LPA: variants seen among roughly 807,000 people sequenced by gnomAD.
LPA encodes the protein lipoprotein(a).
A neutral mutation model predicts 197.9 loss-of-function variants in LPA; 199 were observed. The ratio of observed to expected loss-of-function variants is 1.01; its 90% CI spans 0.90 to 1.13. The LOEUF is 1.13. Ranked by LOEUF, LPA falls within the 50% of genes most tolerant of loss-of-function variation. The probability of loss-of-function intolerance (pLI) is 0.00; values close to 1 mark genes in which losing one functional copy is unlikely to be tolerated. For missense variants in LPA, 1,853 were observed against 1,785.8 expected, an observed-to-expected ratio of 1.04 and a Z score of -0.68; for synonymous variants, 715 against 639.5, an observed-to-expected ratio of 1.12 and a Z score of -1.78.
chr6:160,536,928 G>A (rs570882307), intron 37 of LPA, among the ~76,000 whole-genome samples: 5 of 152,212 alleles, frequency 3.3e-5, no homozygotes, highest in Non-Finnish European at 7.3e-5. Context: ...GCAAAAGGCT[G>A]ATGTGCAAAG....
chr6:160,594,770 AG>A (rs1169285303), intron 21 of LPA, among the ~76,000 whole-genome samples: 2 of 152,214 alleles, frequency 1.3e-5, no homozygotes, highest in African/African-American at 4.8e-5. Flanking sequence ...AGGAGGGGCA[AG>A]AACACTGAGA....
chr6:160,649,619 T>TTC (rs1779967952), intron 2 of LPA, among the ~76,000 whole-genome samples: 1 of 152,178 alleles, frequency 6.6e-6, no homozygotes, highest in Non-Finnish European at 1.5e-5. Context: ...GATCTCATTG[T>TTC]TCTCTCTCTC....
At chr6:160,592,866 CT>C (rs1779056139) in intron 22 of LPA, among the ~76,000 whole-genome samples, 2 of 152,298 alleles carry the variant, frequency 1.3e-5, no homozygotes, top group South Asian at 4.1e-4. Context: ...TGAGGTGTCT[CT>C]CCTCTGAGTG....
chr6:160,602,555 A>G lies in LPA; in HGVS notation c.2946-1457T>C, dbSNP rs556624439. 5.3e-5 allele frequency among the ~76,000 whole-genome samples: 8 copies of G among 152,364 alleles called. No homozygotes were observed. The South Asian group carries it at 1.7e-3, about 32-fold the overall frequency. On this transcript the variant is annotated intron_variant, in intron 18 of 38. Transcript: ENST00000316300. ...GATCAAGAAAATATTTTGCATTTACATCTACATTTGCCATTTGCTGGGTTC... is the reference window on the plus strand; with the variant it reads ...GATCAAGAAAATATTTTGCATTTACGTCTACATTTGCCATTTGCTGGGTTC...
chr6:160,533,829 T>C (rs982497874), intron 37 of LPA, among the ~76,000 whole-genome samples: 1 of 152,226 alleles, frequency 6.6e-6, no homozygotes, highest in African/African-American at 2.4e-5. Flanking sequence ...GTAGTTCTTC[T>C]TTTGTGAAAA....
intron 18 of LPA, among the ~76,000 whole-genome samples, chr6:160,604,201 A>G (rs1328540350): frequency 1.3e-5 from 2 of 151,928 alleles, no homozygotes; most frequent in African/African-American, 4.8e-5. Context: ...CCAAATTCCA[A>G]TCTCTCTCCT....
intron 18 of LPA, among the ~76,000 whole-genome samples, chr6:160,602,619 ATTC>A (rs1407752942): frequency 8.5e-5 from 13 of 152,194 alleles, no homozygotes; most frequent in African/African-American, 1.4e-4. Context: ...CTCTTGAACT[ATTC>A]TTCTTCTAGC....
At chr6:160,561,518 T>A (rs1778361596) in intron 28 of LPA, among the ~76,000 whole-genome samples, 1 of 152,252 alleles carries the variant, frequency 6.6e-6, no homozygotes, top group South Asian at 2.1e-4. Context: ...TGCCTCCAGC[T>A]TTGTTCTTTT....
chr6:160,549,579 G>A lies in LPA; in HGVS notation c.4974-920C>T, dbSNP rs369988161. Among the ~76,000 whole-genome samples the A allele has an allele frequency of 5.3e-5, 8 of 152,172 alleles. No individual in the cohort carries two copies. The South Asian group carries it at 1.0e-3, about 20-fold the overall frequency. On this transcript the variant is annotated intron_variant, in intron 30 of 38. Transcript: ENST00000316300. ...GCCTCCCTTACTCTCTGTACTAGTC[G>A]TGTAGCTAAAAGGCTCTGCATTTAC... is the stretch of plus-strand genomic sequence containing the variant.
chr6:160,602,856 G>T (rs1383791370), intron 18 of LPA, among the ~76,000 whole-genome samples: 4 of 152,104 alleles, frequency 2.6e-5, no homozygotes, highest in Admixed American at 2.6e-4. Context: ...TTTCTGATGA[G>T]AATGCATTAG....
chr6:160,561,405 T>C (rs1475618261), intron 28 of LPA, among the ~76,000 whole-genome samples: 4 of 152,178 alleles, frequency 2.6e-5, no homozygotes, highest in Non-Finnish European at 5.9e-5. Context: ...CTGAGGCCTC[T>C]GTTCTGTTCT....
chr6:160,573,294 T>G (rs944519814), intron 28 of LPA, among the ~76,000 whole-genome samples: 2 of 152,190 alleles, frequency 1.3e-5, no homozygotes. Flanking sequence ...TTTATTGTTT[T>G]TTTATTAAGC....
At chr6:160,610,197 A>T (rs1014738253) in intron 16 of LPA, among the ~76,000 whole-genome samples, 44 of 152,122 alleles carry the variant, frequency 2.9e-4, no homozygotes, top group Admixed American at 1.6e-3. Flanking sequence ...TTAATTTAGG[A>T]CTCACTCTGG....
chr6:160,647,272 T>C (rs538963383), intron 2 of LPA, among the ~76,000 whole-genome samples: 1 of 152,258 alleles, frequency 6.6e-6, no homozygotes, highest in South Asian at 2.1e-4. Flanking sequence ...AAACAATGAA[T>C]TAGGAGGCAA....
chr6:160,564,684 G>T (rs554284758), intron 28 of LPA, among the ~76,000 whole-genome samples: 1 of 152,192 alleles, frequency 6.6e-6, no homozygotes, highest in Admixed American at 6.5e-5. Flanking sequence ...AGAGTGAGCC[G>T]AAGCAAGGCG....
Position 160,546,643 on chromosome 6 carries a change from C to T in LPA, c.5305-1110G>A, listed in dbSNP as rs1214575617. On this transcript the variant is annotated intron_variant, in intron 32 of 38. Transcript: ENST00000316300. ...AGTGGGGCAGTCTTGTAGGACTGAGCCTTAACTTGTGGGATCTGACACTGT... is the reference window on the plus strand; with the variant it reads ...AGTGGGGCAGTCTTGTAGGACTGAGTCTTAACTTGTGGGATCTGACACTGT... 2.0e-5 allele frequency among the ~76,000 whole-genome samples: 3 copies of T among 152,086 alleles called. No homozygotes were observed. In the East Asian group the frequency reaches 5.8e-4, roughly 29 times the overall value.
chr6:160,595,613 G>C, intron 20 of LPA, 78 bp from the exon 21 acceptor site: 1 of 1,596,446 alleles, frequency 6.3e-7, no homozygotes, highest in East Asian at 2.3e-5. Context: ...ACATTTTGCT[G>C]TAACAAAGTG....
At chr6:160,539,954 C>T in intron 36 of LPA, 89 bp downstream of exon 36, 1 of 1,565,466 alleles carries the variant, frequency 6.4e-7, no homozygotes, top group Non-Finnish European at 8.8e-7. Context: ...TTCCTCCCCA[C>T]TGCCATGCAG....
At position 160,611,356 on chromosome 6, in the gene LPA, C is replaced by T. The variant is rs551504593; in HGVS notation, c.2603+206G>A. Among the ~76,000 whole-genome samples, 14 of 152,210 alleles carry T rather than the reference C, an allele frequency of 9.2e-5. No individual in the cohort carries two copies. In the East Asian group the frequency reaches 2.5e-3, roughly 27 times the overall value. On this transcript the variant is annotated intron_variant, in intron 16 of 38. Coordinates refer to ENST00000316300, the MANE Select transcript of LPA (RefSeq NM_005577.4). ...TCCTCGCCTCCTCATTTCCCTTCTG[C>T]TCCACAAAACTAGGAGGAAGGTGAG...
Sources: allele counts gnomAD v4.1 joint callset (sites outside exome capture counted in the v4.1 genomes callset), GRCh38; gene constraint gnomAD v4.1.1; transcripts MANE v1.5; gene names NCBI Gene and HGNC (gene_info 2026-07-23, HGNC 2026-07-21).